The following RNF217 variants were observed in gnomAD, a reference collection of about 807,000 sequenced individuals.
The protein encoded by RNF217 is ring finger protein 217.
A neutral mutation model predicts 57.8 loss-of-function variants in RNF217; 31 were observed. That is an observed-to-expected ratio of 0.54 (90% CI 0.40 to 0.72). RNF217 has a LOEUF of 0.72. RNF217 is among the 30% of genes least tolerant of loss of function. The pLI is 0.00. For synonymous variants in RNF217, 313 were observed against 294.0 expected (o/e 1.06, Z -0.66); for missense variants, 696 against 708.3 (o/e 0.98, Z 0.20).
At chr6:124,988,616 C>CT (rs1446305811) in intron 1 of RNF217, among the ~76,000 whole-genome samples, 1 of 152,166 alleles carries the variant, frequency 6.6e-6, no homozygotes, top group Non-Finnish European at 1.5e-5. Flanking sequence ...CAAACTAAGC[C>CT]TTTTTCTATC....
intron 2 of RNF217, among the ~76,000 whole-genome samples, chr6:125,046,165 C>T (rs964587719): frequency 3.3e-5 from 5 of 152,010 alleles, no homozygotes; most frequent in African/African-American, 1.2e-4. Context: ...GCACGGCCCC[C>T]GAGGCTAAGG....
intron 2 of RNF217, chr6:125,048,142 G>A: frequency 7.9e-6 from 10 of 1,269,720 alleles, no homozygotes; most frequent in Non-Finnish European, 1.0e-5. Flanking sequence ...TACCTGTCTG[G>A]GTATTATAGG....
At chr6:125,046,794 T>C in intron 2 of RNF217, 1 of 358,646 alleles carries the variant, frequency 2.8e-6, no homozygotes, top group Non-Finnish European at 5.5e-6. Flanking sequence ...TGTAGGTTAG[T>C]CAAAGCTTCT....
chr6:125,067,798 A>G (rs1311365473), intron 3 of RNF217, among the ~76,000 whole-genome samples: 1 of 152,126 alleles, frequency 6.6e-6, no homozygotes, highest in Non-Finnish European at 1.5e-5. Context: ...TTGTTGGAAT[A>G]AAGTTGAAAC....
intron 3 of RNF217, among the ~76,000 whole-genome samples, chr6:125,072,046 G>A (rs577086278): frequency 1.3e-5 from 2 of 152,256 alleles, no homozygotes. Flanking sequence ...TTAAGGCTTT[G>A]TGTTTTAAAA....
intron 1 of RNF217, among the ~76,000 whole-genome samples, chr6:125,043,002 A>T (rs1272515148): frequency 6.6e-6 from 1 of 152,002 alleles, no homozygotes; most frequent in Admixed American, 6.6e-5. Flanking sequence ...TATCTCTCAC[A>T]TTCTGAAAAC....
intron 3 of RNF217, among the ~76,000 whole-genome samples, chr6:125,071,262 T>C (rs753249696): frequency 3.9e-5 from 6 of 152,128 alleles, no homozygotes; most frequent in Non-Finnish European, 8.8e-5. Context: ...ATTTCAAATT[T>C]TGAATTTCGA....
In RNF217 at chr6:125,090,362, T is replaced by C. The variant is rs547653021; in HGVS notation, c.*7425T>C. The C allele has an allele frequency of 2.0e-5, 3 of 152,188 alleles. No individual in the cohort carries two copies. The highest frequency in any genetic ancestry group is 3.9e-4 in the East Asian group (2 of 5,184). The allele number at this position is 152,188 out of a possible 1,614,324, so 9.4% of individuals were successfully genotyped here. A position where few individuals can be genotyped will look rare whatever the true frequency, so the allele number is the denominator to read the frequency against. On this transcript the variant is annotated 3_prime_UTR_variant, in exon 6 of 6. Transcript: ENST00000521654. The stretch of plus-strand genomic sequence containing the variant: ...TGTTAAAATGTTAACAAAGAACCAG[T>C]TGTTTTGATTCTATTTTAAACAAAA...
intron 1 of RNF217, among the ~76,000 whole-genome samples, chr6:125,016,553 A>AAGT (rs1785608687): frequency 6.6e-6 from 1 of 152,140 alleles, no homozygotes; most frequent in Admixed American, 6.6e-5. Context: ...TGTTTTTAGA[A>AAGT]AGTTTTTAGA....
At chr6:125,060,109 A>G (rs921727662) in intron 3 of RNF217, among the ~76,000 whole-genome samples, 1 of 152,140 alleles carries the variant, frequency 6.6e-6, no homozygotes, top group African/African-American at 2.4e-5. Context: ...TTACAACAGA[A>G]ACCTATGAGG....
intron 4 of RNF217, among the ~76,000 whole-genome samples, chr6:125,079,099 G>C (rs1387252225): frequency 1.3e-5 from 2 of 152,076 alleles, no homozygotes; most frequent in Admixed American, 6.6e-5. Flanking sequence ...GCTGAAGGGT[G>C]GGAAACATGG....
chr6:125,049,993 G>C (rs910635831), intron 2 of RNF217, among the ~76,000 whole-genome samples: 1 of 151,864 alleles, frequency 6.6e-6, no homozygotes, highest in Non-Finnish European at 1.5e-5. Flanking sequence ...CAATATTGGG[G>C]GCAGTGAAGG....
At chr6:125,057,334 A>G (rs1787559841) in intron 2 of RNF217, among the ~76,000 whole-genome samples, 1 of 152,080 alleles carries the variant, frequency 6.6e-6, no homozygotes, top group Non-Finnish European at 1.5e-5. Context: ...AGCATGCACC[A>G]ACATGCCCAC....
Position 125,087,973 on chromosome 6 carries a change from A to G in RNF217, c.*5036A>G, listed in dbSNP as rs1001212558. 4 of 148,634 alleles carry G rather than the reference A, an allele frequency of 2.7e-5. No homozygotes were observed. The highest frequency in any genetic ancestry group is 4.5e-5 in the Non-Finnish European group (3 of 67,218). The allele number at this position is 148,634 out of a possible 1,614,324, so 9.2% of individuals were successfully genotyped here. ...TTGTATTTAAAGTTATAATTTAATT[A>G]TGATACTGTCCCCCTAATATGGAAA... On this transcript the variant is annotated 3_prime_UTR_variant, in exon 6 of 6. Coordinates refer to ENST00000521654, the MANE Select transcript of RNF217 (RefSeq NM_001286398.3).
At chr6:124,967,227 T>G (rs1300812316) in intron 1 of RNF217, among the ~76,000 whole-genome samples, 1 of 152,234 alleles carries the variant, frequency 6.6e-6, no homozygotes, top group Non-Finnish European at 1.5e-5. Context: ...CCCAGGGATG[T>G]CTGCAATATC....
intron 3 of RNF217, among the ~76,000 whole-genome samples, chr6:125,071,978 A>G (rs1312900440): frequency 2.6e-5 from 4 of 152,190 alleles, no homozygotes; most frequent in African/African-American, 7.2e-5. Flanking sequence ...ATAAAAAATA[A>G]AAACAGCTTC....
intron 3 of RNF217, among the ~76,000 whole-genome samples, chr6:125,061,081 G>T (rs2114596594): frequency 6.6e-6 from 1 of 152,028 alleles, no homozygotes; most frequent in Admixed American, 6.6e-5. Flanking sequence ...AGGCTTGCTT[G>T]GTTTGTTCTG....
chr6:125,001,976 C>A (rs1582693988), intron 1 of RNF217, among the ~76,000 whole-genome samples: 3 of 152,166 alleles, frequency 2.0e-5, no homozygotes, highest in Admixed American at 1.3e-4. Flanking sequence ...AAAATAATTT[C>A]TCCACGTGTA....
intron 1 of RNF217, among the ~76,000 whole-genome samples, chr6:125,011,778 G>A (rs1785423586): frequency 6.6e-6 from 1 of 151,452 alleles, no homozygotes; most frequent in Non-Finnish European, 1.5e-5. Context: ...ACTTTTCATT[G>A]CATTTCACTT....
Sources: allele counts gnomAD v4.1 joint callset (sites outside exome capture counted in the v4.1 genomes callset), GRCh38; gene constraint gnomAD v4.1.1; transcripts MANE v1.5; gene names NCBI Gene and HGNC (gene_info 2026-07-23, HGNC 2026-07-21).